ABI1: variants seen among roughly 807,000 people sequenced by gnomAD.
The protein encoded by ABI1 is abl interactor 1.
A neutral mutation model predicts 54.6 loss-of-function variants in ABI1; 14 were observed. The observed-to-expected ratio is 0.26, with a 90% CI of 0.17 to 0.40. The LOEUF is 0.40. Ranked by LOEUF, ABI1 falls within the 10% of genes least tolerant of loss-of-function variation. The pLI is 1.00. For synonymous variants in ABI1, 194 were observed against 209.3 expected (o/e 0.93, Z 0.63); for missense variants, 443 against 598.3 (o/e 0.74, Z 2.71).
At chr10:26,791,171 A>G (rs1354628760) in intron 2 of ABI1, among the ~76,000 whole-genome samples, 1 of 152,062 alleles carries the variant, frequency 6.6e-6, no homozygotes, top group Non-Finnish European at 1.5e-5. Context: ...GAGTTGTGAG[A>G]GAGACTAAAG....
Position 26,770,146 on chromosome 10 carries a change from AG to A in ABI1, c.578+98del, listed in dbSNP as rs1840491803. 8 of 880,568 alleles carry A rather than the reference AG, an allele frequency of 9.1e-6. No individual in the cohort carries two copies. The Admixed American group carries it at 1.6e-4, about 17-fold the overall frequency. 54.5% of individuals were successfully genotyped at this position (880,568 alleles called of 1,614,324 possible). On this transcript the variant is annotated intron_variant, in intron 5 of 10. Coordinates refer to ENST00000376140, the MANE Select transcript of ABI1 (RefSeq NM_001012750.3). ...TTGTAAAAGGTAGCGTCACATAGAG[AG>A]GGTAGTGTGGCATGGATCCCATACA...
At chr10:26,831,503 A>G (rs556103152) in intron 1 of ABI1, among the ~76,000 whole-genome samples, 1 of 152,300 alleles carries the variant, frequency 6.6e-6, no homozygotes, top group African/African-American at 2.4e-5. Context: ...AGATAGTGCC[A>G]CTGCACTCCA....
intron 1 of ABI1, among the ~76,000 whole-genome samples, chr10:26,842,792 A>G (rs1368314361): frequency 6.6e-6 from 1 of 152,232 alleles, no homozygotes; most frequent in Admixed American, 6.5e-5. Context: ...CACGCCTGTA[A>G]TCCCAGCACT....
At chr10:26,799,692 T>A (rs938856999) in intron 2 of ABI1, among the ~76,000 whole-genome samples, 7 of 152,228 alleles carry the variant, frequency 4.6e-5, no homozygotes, top group African/African-American at 1.7e-4. Flanking sequence ...AGTTCTGCCA[T>A]AATTAAATAT....
At chr10:26,848,454 T>G (rs2050152291) in intron 1 of ABI1, among the ~76,000 whole-genome samples, 1 of 152,138 alleles carries the variant, frequency 6.6e-6, no homozygotes, top group Admixed American at 6.6e-5. Flanking sequence ...ACTAAATTTT[T>G]GGTATGAAAT....
chr10:26,749,633 G>A (rs1309164342), intron 10 of ABI1, among the ~76,000 whole-genome samples: 2 of 152,094 alleles, frequency 1.3e-5, no homozygotes, highest in Non-Finnish European at 2.9e-5. Flanking sequence ...TTGGATTTTG[G>A]AGCATTTTGA....
At chr10:26,808,474 C>A (rs1390101785) in intron 2 of ABI1, among the ~76,000 whole-genome samples, 5 of 152,114 alleles carry the variant, frequency 3.3e-5, no homozygotes, top group Non-Finnish European at 7.4e-5. Flanking sequence ...TGGGTCCCAG[C>A]ACTTTGGGAG....
At position 26,788,693 on chromosome 10, in the gene ABI1, A is replaced by C. The variant is rs1444007333; in HGVS notation, c.286-11452T>G. Among the ~76,000 whole-genome samples, 6 of 152,092 alleles carry C rather than the reference A, an allele frequency of 3.9e-5. No homozygotes were observed. The East Asian group carries it at 1.2e-3, about 29-fold the overall frequency. On this transcript the variant is annotated intron_variant, in intron 2 of 10. Coordinates refer to ENST00000376140, the MANE Select transcript of ABI1 (RefSeq NM_001012750.3). The stretch of plus-strand genomic sequence containing the variant: ...TTTGGGACGCCGAGGTGGGCGGATC[A>C]CGAGGTCAGGAGATCGAGACTATCC...
intron 1 of ABI1, among the ~76,000 whole-genome samples, chr10:26,845,208 C>T (rs1172071988): frequency 6.6e-6 from 1 of 151,358 alleles, no homozygotes; most frequent in Non-Finnish European, 1.5e-5. Context: ...ACTGCCCAAA[C>T]TAAAATCAAA....
At chr10:26,827,057 G>A (rs893834621) in intron 1 of ABI1, among the ~76,000 whole-genome samples, 2 of 151,802 alleles carry the variant, frequency 1.3e-5, no homozygotes, top group African/African-American at 4.8e-5. Flanking sequence ...GGGACTACAG[G>A]CACGAGCCAC....
chr10:26,859,700 T>C (rs2051138197), intron 1 of ABI1, among the ~76,000 whole-genome samples: 1 of 152,202 alleles, frequency 6.6e-6, no homozygotes, highest in South Asian at 2.1e-4. Context: ...ATAACAGATA[T>C]TTTTACGTTG....
At chr10:26,768,201 T>G (rs1840197345) in intron 6 of ABI1, among the ~76,000 whole-genome samples, 1 of 152,148 alleles carries the variant, frequency 6.6e-6, no homozygotes, top group Non-Finnish European at 1.5e-5. Flanking sequence ...TAATCTTTTC[T>G]CCAAAAGTAT....
At chr10:26,755,629 C>T in intron 9 of ABI1, 26 bp downstream of exon 9, 1 of 1,573,908 alleles carries the variant, frequency 6.4e-7, no homozygotes, top group Non-Finnish European at 8.7e-7. Context: ...CTCTACTCTT[C>T]CATAGCTCAG....
chr10:26,815,475 A>T (rs886851548), intron 2 of ABI1, among the ~76,000 whole-genome samples: 3 of 152,372 alleles, frequency 2.0e-5, no homozygotes, highest in Non-Finnish European at 4.4e-5. Context: ...ATTCATAATT[A>T]AATAAAGAAG....
At chr10:26,780,335 C>T (rs1004554668) in intron 2 of ABI1, among the ~76,000 whole-genome samples, 3 of 152,156 alleles carry the variant, frequency 2.0e-5, no homozygotes, top group African/African-American at 7.2e-5. Context: ...TCAAGCAATC[C>T]TCTGACCTCA....
chr10:26,849,265 C>CCG (rs1230336824), intron 1 of ABI1, among the ~76,000 whole-genome samples: 10 of 152,206 alleles, frequency 6.6e-5, no homozygotes, highest in South Asian at 6.2e-4. Context: ...GGCAATGTCA[C>CCG]AGACGATACT....
Position 26,777,081 on chromosome 10 carries a change from A to C in ABI1, c.446T>G (p.Val149Gly). 6.3e-7 allele frequency: 1 copy of C among 1,598,450 alleles called. No homozygotes were observed. The highest frequency in any genetic ancestry group is 8.5e-7 in the Non-Finnish European group (1 of 1,175,672). Residue 149 changes from valine (V) to glycine (G), a missense_variant, in exon 3 of 11, where the codon GTG (valine) becomes GGG (glycine). By Grantham distance (109) the Val-to-Gly change is moderately radical (BLOSUM62 -3). This residue lies in a region of ABI1 where 394 missense variants were observed against 484.8 expected (regional missense o/e 0.81). Transcript: ENST00000376140. ...KPIDYTVLDD[V>G]GHGVKWLKAK... Reference sequence around the variant, plus strand: ...AATGCTTACCTTGACACCATGGCCCACATCATCCAGAACTGTGTAATCGAT... The same window carrying C: ...AATGCTTACCTTGACACCATGGCCCCCATCATCCAGAACTGTGTAATCGAT...
rs72485032 is a variant in ABI1 at position 26,777,488 on chromosome 10, T to G, written c.286-247A>C. Among the ~76,000 whole-genome samples the G allele has an allele frequency of 2.1e-3, 320 of 152,260 alleles. 8 individuals carry two copies. The East Asian group carries it at 0.052, about 25-fold the overall frequency. ...GAAAGCAGTTTTCTTTCCTAACAATTTGGTATGTGGGCCGGGCATGGTGGC... is the reference window on the plus strand; with the variant it reads ...GAAAGCAGTTTTCTTTCCTAACAATGTGGTATGTGGGCCGGGCATGGTGGC... On this transcript the variant is annotated intron_variant, in intron 2 of 10. Transcript: ENST00000376140.
intron 2 of ABI1, among the ~76,000 whole-genome samples, chr10:26,791,532 T>C (rs1843464805): frequency 6.6e-6 from 1 of 152,072 alleles, no homozygotes; most frequent in South Asian, 2.1e-4. Flanking sequence ...TCTAAATTTA[T>C]ATGGGAGGGC....
Sources: gnomAD v4.1 joint callset for allele counts (sites outside exome capture counted in the v4.1 genomes callset) on GRCh38, gnomAD v4.1.1 for gene constraint, gnomAD v4.1.1 regional missense constraint, MANE v1.5 for transcripts, NCBI Gene and HGNC (gene_info 2026-07-23, HGNC 2026-07-21) for gene names.